Variants in RAB11FIP4 observed in about 807,000 individuals in gnomAD.
RAB11FIP4 encodes rab11 family-interacting protein 4.
A neutral mutation model predicts 74.3 loss-of-function variants in RAB11FIP4; 23 were observed. That is an observed-to-expected ratio of 0.31 (90% CI 0.22 to 0.44). The LOEUF (loss-of-function observed/expected upper bound fraction) is 0.44, where lower values mean the gene tolerates loss of function less well. RAB11FIP4 is among the 20% of genes least tolerant of loss of function. The probability of loss-of-function intolerance (pLI) is 1.00; values close to 1 mark genes in which losing one functional copy is unlikely to be tolerated. For missense variants in RAB11FIP4, 630 were observed against 863.9 expected (o/e 0.73, Z 3.39); for synonymous variants, 360 against 359.9 (o/e 1.00, Z 0.00).
At chr17:31,463,869 A>G (rs1433750051) in intron 3 of RAB11FIP4, among the ~76,000 whole-genome samples, 3 of 119,418 alleles carry the variant, frequency 2.5e-5, no homozygotes, top group Non-Finnish European at 4.8e-5. Context: ...GCTGGAGTGC[A>G]GTGACCCGAT....
intron 3 of RAB11FIP4, among the ~76,000 whole-genome samples, chr17:31,447,749 C>G (rs967017112): frequency 2.0e-5 from 3 of 152,166 alleles, no homozygotes; most frequent in African/African-American, 7.2e-5. Flanking sequence ...TCTCGAACTC[C>G]TGACCTCAGG....
chr17:31,473,518 G>T (rs1464149242), intron 3 of RAB11FIP4, among the ~76,000 whole-genome samples: 2 of 152,232 alleles, frequency 1.3e-5, no homozygotes, highest in African/African-American at 2.4e-5. Context: ...TTCAGCCTGG[G>T]CGACAGAGTG....
chr17:31,525,339 GC>G, intron 10 of RAB11FIP4, 109 bp downstream of exon 10: 1 of 1,143,548 alleles, frequency 8.7e-7, no homozygotes, highest in Non-Finnish European at 1.2e-6. Context: ...AGGCTGAGGG[GC>G]AGCCTCTTGA....
intron 3 of RAB11FIP4, among the ~76,000 whole-genome samples, chr17:31,515,252 C>T (rs1473828519): frequency 6.6e-6 from 1 of 151,986 alleles, no homozygotes; most frequent in African/African-American, 2.4e-5. Context: ...GCTTAGGGCA[C>T]AAGATGTGAT....
intron 1 of RAB11FIP4, among the ~76,000 whole-genome samples, chr17:31,427,140 A>G (rs7504059): frequency 0.7 from 105,831 of 151,834 alleles, 38,537 homozygotes; most frequent in Non-Finnish European, 0.8. Context: ...TTGTATTTTT[A>G]GTAGAGACAG....
At chr17:31,451,892 A>G (rs1387245359) in intron 3 of RAB11FIP4, among the ~76,000 whole-genome samples, 1 of 149,280 alleles carries the variant, frequency 6.7e-6, no homozygotes, top group Admixed American at 6.7e-5. Context: ...TGTTAGCTGC[A>G]TGTTTTTTTA....
chr17:31,472,764 G>A lies in RAB11FIP4; in HGVS notation c.336+38642G>A, dbSNP rs1409981552. ...GTGAGGGATGGAGGCCAGGCATGGT[G>A]GTTCATGCCCGTAATCCCAGTACTT... On this transcript the variant is annotated intron_variant, in intron 3 of 14. Transcript: ENST00000621161. 2.6e-5 allele frequency among the ~76,000 whole-genome samples: 4 copies of A among 152,002 alleles called. No homozygotes were observed. The South Asian group carries it at 6.2e-4, about 24-fold the overall frequency.
rs536092945 is a variant in RAB11FIP4, at chr17:31,453,597, G to C, written c.336+19475G>C. Among the ~76,000 whole-genome samples the C allele has an allele frequency of 2.0e-5, 3 of 151,934 alleles. No individual in the cohort carries two copies. In the South Asian group the frequency reaches 6.2e-4, roughly 32 times the overall value. On this transcript the variant is annotated intron_variant, in intron 3 of 14. Transcript: ENST00000621161. ...TGCATGGAAGTAGGAGGTCAAGGCA[G>C]GTGAATTACATGAGGTCAGGAGTTC...
intron 3 of RAB11FIP4, among the ~76,000 whole-genome samples, chr17:31,480,845 G>A (rs1333491630): frequency 6.6e-6 from 1 of 151,034 alleles, no homozygotes; most frequent in Non-Finnish European, 1.5e-5. Flanking sequence ...TGCCTCCAGG[G>A]TCTCTCTATG....
At chr17:31,500,806 C>T (rs989348702) in intron 3 of RAB11FIP4, among the ~76,000 whole-genome samples, 4 of 152,212 alleles carry the variant, frequency 2.6e-5, no homozygotes, top group Admixed American at 6.5e-5. Context: ...GGGCAGATCA[C>T]GAGGTCAAGA....
At chr17:31,491,483 T>C (rs928728342) in intron 3 of RAB11FIP4, among the ~76,000 whole-genome samples, 6 of 151,768 alleles carry the variant, frequency 4.0e-5, no homozygotes, top group African/African-American at 1.5e-4. Context: ...GAGTGCTGGG[T>C]TTCAGAGTCA....
chr17:31,536,704 C>A lies in RAB11FIP4; in HGVS notation c.*4972C>A, dbSNP rs1076185. 0.26 allele frequency: 81,546 copies of A among 315,102 alleles called. 11,210 individuals carry two copies. The highest frequency in any genetic ancestry group is 0.42 in the East Asian group (8,664 of 20,412). 19.5% of individuals were successfully genotyped at this position (315,102 alleles called of 1,614,324 possible). A position where few individuals can be genotyped will look rare whatever the true frequency, so the allele number is the denominator to read the frequency against. ...AGGTCCTCACTTCCTGCCCTGGGTG[C>A]ACACATGAATGGGGCAGCCAGCAGG... On this transcript the variant is annotated 3_prime_UTR_variant, in exon 15 of 15. Coordinates refer to ENST00000621161, the MANE Select transcript of RAB11FIP4 (RefSeq NM_032932.6).
At chr17:31,444,149 C>T (rs1361685607) in intron 3 of RAB11FIP4, among the ~76,000 whole-genome samples, 1 of 152,198 alleles carries the variant, frequency 6.6e-6, no homozygotes, top group Admixed American at 6.5e-5. Flanking sequence ...ACAAGCATTT[C>T]TAAAACCACT....
chr17:31,464,922 G>A (rs1370255744), intron 3 of RAB11FIP4, among the ~76,000 whole-genome samples: 1 of 151,470 alleles, frequency 6.6e-6, no homozygotes, highest in Non-Finnish European at 1.5e-5. Flanking sequence ...CATCATGCCT[G>A]GCTGATTTTT....
chr17:31,434,860 A>G (rs2071343563), intron 3 of RAB11FIP4, among the ~76,000 whole-genome samples: 1 of 152,224 alleles, frequency 6.6e-6, no homozygotes, highest in South Asian at 2.1e-4. Context: ...TCACCGTGCT[A>G]CCAGCACCCG....
chr17:31,487,856 C>T (rs2071925727), intron 3 of RAB11FIP4: 2 of 168,994 alleles, frequency 1.2e-5, no homozygotes, highest in Non-Finnish European at 2.4e-5. Context: ...GCCGGCCGCG[C>T]GGCCATTGGT....
chr17:31,470,053 A>G (rs1027862529), intron 3 of RAB11FIP4, among the ~76,000 whole-genome samples: 3 of 152,130 alleles, frequency 2.0e-5, no homozygotes, highest in African/African-American at 7.2e-5. Context: ...GACTCATGTG[A>G]CCTCATGACC....
chr17:31,402,795 T>A (rs996124647), intron 1 of RAB11FIP4, among the ~76,000 whole-genome samples: 6 of 151,460 alleles, frequency 4.0e-5, no homozygotes, highest in Non-Finnish European at 4.4e-5. Context: ...CTAATTTTTT[T>A]TTTGTATTTT....
intron 3 of RAB11FIP4, among the ~76,000 whole-genome samples, chr17:31,476,985 AC>A (rs1463648383): frequency 3.3e-5 from 5 of 152,204 alleles, no homozygotes; most frequent in Admixed American, 6.5e-5. Context: ...CAGGGGATAA[AC>A]TTGGGCAGGC....
Sources: gnomAD v4.1 joint callset for allele counts (sites outside exome capture counted in the v4.1 genomes callset) on GRCh38, gnomAD v4.1.1 for gene constraint, MANE v1.5 for transcripts, NCBI Gene and HGNC (gene_info 2026-07-23, HGNC 2026-07-21) for gene names.